Variants in SNTG1 observed in about 807,000 individuals in gnomAD.
The protein encoded by SNTG1 is gamma-1-syntrophin.
SNTG1 carries 39 observed loss-of-function variants against 74.7 expected under a neutral mutation model. That is an observed-to-expected ratio of 0.52 (90% CI 0.40 to 0.68). The LOEUF (loss-of-function observed/expected upper bound fraction) is 0.68, where lower values mean the gene tolerates loss of function less well. Ranked by LOEUF, SNTG1 falls within the 30% of genes least tolerant of loss-of-function variation. The pLI, the probability that SNTG1 is intolerant of heterozygous loss-of-function variation, is 0.00. For missense variants in SNTG1, 685 were observed against 609.5 expected, an observed-to-expected ratio of 1.12 and a Z score of -1.30; for synonymous variants, 254 against 217.1, an observed-to-expected ratio of 1.17 and a Z score of -1.49.
intron 2 of SNTG1, among the ~76,000 whole-genome samples, chr8:50,351,275 C>T (rs1036281848): frequency 2.6e-5 from 4 of 152,082 alleles, no homozygotes; most frequent in African/African-American, 4.8e-5. Flanking sequence ...GGCAAAGTCC[C>T]GAAAAACCAG....
chr8:50,642,449 G>C (rs1269882591), intron 13 of SNTG1, among the ~76,000 whole-genome samples: 2 of 152,100 alleles, frequency 1.3e-5, no homozygotes, highest in African/African-American at 4.8e-5. Flanking sequence ...ATCTGTCAGG[G>C]ACCTACAAGG....
intron 1 of SNTG1, among the ~76,000 whole-genome samples, chr8:50,146,180 T>C (rs2081857687): frequency 1.3e-5 from 2 of 152,240 alleles, no homozygotes; most frequent in South Asian, 2.1e-4. Flanking sequence ...TGTGTTTGTA[T>C]GTGTGTGAAC....
At chr8:49,948,873 G>A (rs1256809332) in intron 1 of SNTG1, among the ~76,000 whole-genome samples, 3 of 152,140 alleles carry the variant, frequency 2.0e-5, no homozygotes, top group Non-Finnish European at 4.4e-5. Flanking sequence ...AGAGCCCCCG[G>A]GCTCACGGCA....
chr8:50,011,953 C>CT (rs1412034385), intron 1 of SNTG1: 2 of 152,078 alleles, frequency 1.3e-5, no homozygotes, highest in Non-Finnish European at 1.5e-5. Flanking sequence ...ATGCTATCAC[C>CT]TTTTTTTCCT....
At position 50,165,225 on chromosome 8, in the gene SNTG1, A is replaced by T. The variant is rs4873411; in HGVS notation, c.-102-7336A>T. Among the ~76,000 whole-genome samples, 20 of 152,100 alleles carry T rather than the reference A, an allele frequency of 1.3e-4. 1 individual carries two copies. Among genetic ancestry groups the T allele is most frequent in the African/African-American group, 4.8e-4 (20 of 41,500 alleles). On this transcript the variant is annotated intron_variant, in intron 1 of 18. Coordinates refer to ENST00000642720, the MANE Select transcript of SNTG1 (RefSeq NM_018967.5). ...TTAAGTGAGGTCAATTTAACTTAACATTTAGTCTCCATCCCCAGCCAGAGA... is the reference window on the plus strand; with the variant it reads ...TTAAGTGAGGTCAATTTAACTTAACTTTTAGTCTCCATCCCCAGCCAGAGA...
chr8:50,228,093 G>A (rs1466319225), intron 2 of SNTG1, among the ~76,000 whole-genome samples: 1 of 151,350 alleles, frequency 6.6e-6, no homozygotes, highest in Non-Finnish European at 1.5e-5. Flanking sequence ...ATAGACAGAA[G>A]GTTAATGAAA....
chr8:50,312,088 C>A (rs943007976), intron 2 of SNTG1, among the ~76,000 whole-genome samples: 2 of 152,016 alleles, frequency 1.3e-5, no homozygotes, highest in African/African-American at 2.4e-5. Context: ...AGAAAAAAAT[C>A]CAGCTGTATG....
chr8:50,768,578 G>A (rs146362161), intron 18 of SNTG1, among the ~76,000 whole-genome samples: 258 of 152,084 alleles, frequency 1.7e-3, no homozygotes, highest in African/African-American at 5.6e-3. Context: ...TTTCTGTCTT[G>A]TAAATAAAGG....
chr8:50,205,563 G>A (rs905556242), intron 2 of SNTG1, among the ~76,000 whole-genome samples: 4 of 151,950 alleles, frequency 2.6e-5, no homozygotes, highest in African/African-American at 7.2e-5. Flanking sequence ...CTGTGCAGAA[G>A]CTCTTTAATT....
At chr8:50,129,206 T>C (rs1252120433) in intron 1 of SNTG1, among the ~76,000 whole-genome samples, 2 of 152,144 alleles carry the variant, frequency 1.3e-5, no homozygotes, top group East Asian at 1.9e-4. Flanking sequence ...TAAAGGTCTT[T>C]TGTATTATTG....
At chr8:49,977,681 A>G (rs1393039662) in intron 1 of SNTG1, among the ~76,000 whole-genome samples, 3 of 151,942 alleles carry the variant, frequency 2.0e-5, no homozygotes, top group Non-Finnish European at 4.4e-5. Context: ...CTCAAAGGAG[A>G]CAATAAATAA....
chr8:50,199,983 G>T (rs982222964), intron 2 of SNTG1, among the ~76,000 whole-genome samples: 2 of 147,694 alleles, frequency 1.4e-5, no homozygotes, highest in East Asian at 1.9e-4. Context: ...TTAGCTATTT[G>T]TATCATTCCC....
chr8:50,186,633 A>G (rs937590585), intron 2 of SNTG1, among the ~76,000 whole-genome samples: 1 of 151,916 alleles, frequency 6.6e-6, no homozygotes, highest in African/African-American at 2.4e-5. Flanking sequence ...AGTGATAATG[A>G]GCTTTTTTTC....
chr8:50,016,688 T>C (rs1816348124), intron 1 of SNTG1, among the ~76,000 whole-genome samples: 1 of 152,172 alleles, frequency 6.6e-6, no homozygotes, highest in Non-Finnish European at 1.5e-5. Flanking sequence ...AATTTGCTTT[T>C]TGTCTAACAT....
intron 2 of SNTG1, among the ~76,000 whole-genome samples, chr8:50,303,542 A>G (rs1486202674): frequency 6.6e-6 from 1 of 152,076 alleles, no homozygotes; most frequent in Admixed American, 6.6e-5. Context: ...CCTAACCTAT[A>G]TAATATGTAT....
At chr8:50,104,117 A>T (rs75167992) in intron 1 of SNTG1, among the ~76,000 whole-genome samples, 11,754 of 152,082 alleles carry the variant, frequency 0.077, 1,459 homozygotes, top group African/African-American at 0.26. Flanking sequence ...TATTGATTGG[A>T]ATAGTTTCAG....
chr8:50,763,204 G>A (rs888610153), intron 18 of SNTG1, among the ~76,000 whole-genome samples: 1 of 151,906 alleles, frequency 6.6e-6, no homozygotes, highest in Non-Finnish European at 1.5e-5. Flanking sequence ...TGGAGATAAG[G>A]AGAGTTGTCG....
At chr8:50,383,762 C>T (rs1454182113) in intron 2 of SNTG1, among the ~76,000 whole-genome samples, 2 of 152,136 alleles carry the variant, frequency 1.3e-5, no homozygotes, top group Non-Finnish European at 2.9e-5. Context: ...GTAAGACACA[C>T]CTAAGGAACC....
rs373318123 is a variant in SNTG1 at position 50,280,201 on chromosome 8, A to G, written c.-28+107566A>G. 2.2e-4 allele frequency among the ~76,000 whole-genome samples: 34 copies of G among 152,352 alleles called. No homozygotes were observed. In the East Asian group the frequency reaches 6.2e-3, roughly 28 times the overall value. ...AATTCTGCCAGAAGTTTCACAGTCCAGGACATGAGTTGGTGGATTATCTCA... is the reference window on the plus strand; with the variant it reads ...AATTCTGCCAGAAGTTTCACAGTCCGGGACATGAGTTGGTGGATTATCTCA... On this transcript the variant is annotated intron_variant, in intron 2 of 18. Transcript: ENST00000642720.
Sources: allele counts gnomAD v4.1 joint callset (sites outside exome capture counted in the v4.1 genomes callset), GRCh38; gene constraint gnomAD v4.1.1; transcripts MANE v1.5; gene names NCBI Gene and HGNC (gene_info 2026-07-23, HGNC 2026-07-21).